The following MYL4 variants were observed in gnomAD, a reference collection of about 807,000 sequenced individuals.
MYL4 encodes myosin light chain 4.
A neutral mutation model predicts 21.6 loss-of-function variants in MYL4; 16 were observed. That is an observed-to-expected ratio of 0.74 (90% CI 0.50 to 1.12). MYL4 has a LOEUF of 1.12. Among genes scored for constraint, MYL4 ranks in the 50% most tolerant of loss-of-function variants. The probability of loss-of-function intolerance (pLI) is 0.00; values close to 1 mark genes in which losing one functional copy is unlikely to be tolerated. For missense variants in MYL4, 249 were observed against 252.9 expected, an observed-to-expected ratio of 0.98 and a Z score of 0.11; for synonymous variants, 82 against 95.7, an observed-to-expected ratio of 0.86 and a Z score of 0.83.
intron 1 of MYL4, among the ~76,000 whole-genome samples, chr17:47,211,080 C>T (rs966842161): frequency 6.6e-6 from 1 of 152,058 alleles, no homozygotes; most frequent in African/African-American, 2.4e-5. Flanking sequence ...CAATTTCTCA[C>T]CCGTGAGAAA....
downstream of MYL4, among the ~76,000 whole-genome samples, chr17:47,225,481 G>A (rs761420231): frequency 6.6e-6 from 1 of 152,196 alleles, no homozygotes; most frequent in Non-Finnish European, 1.5e-5. Flanking sequence ...GAGGAGGAGA[G>A]GGCTGGGTTC....
chr17:47,205,241 T>C (rs1057320595), upstream of MYL4, among the ~76,000 whole-genome samples: 3 of 152,238 alleles, frequency 2.0e-5, no homozygotes, highest in Admixed American at 2.0e-4. Flanking sequence ...CCTCAGCAAC[T>C]CTGGCTCAGA....
chr17:47,223,535 C>T lies in MYL4; in HGVS notation c.*42C>T, dbSNP rs1362548558. On this transcript the variant is annotated 3_prime_UTR_variant, in exon 7 of 7. Coordinates refer to ENST00000393450, the MANE Select transcript of MYL4 (RefSeq NM_002476.2). ...TGCCTGGCCCTTGGCTTTAGCCATACCAGGGTGAGTTAAAGAGAGGCCCCG... is the reference window on the plus strand; with the variant it reads ...TGCCTGGCCCTTGGCTTTAGCCATATCAGGGTGAGTTAAAGAGAGGCCCCG... 6.4e-6 allele frequency: 1 copy of T among 155,970 alleles called. No individual in the cohort carries two copies. The highest frequency in any genetic ancestry group is 1.4e-5 in the Non-Finnish European group (1 of 70,556). 9.7% of individuals were successfully genotyped at this position (155,970 alleles called of 1,614,324 possible).
chr17:47,193,878 C>T, the MYL4 span, among the ~76,000 whole-genome samples: 14 of 152,152 alleles, frequency 9.2e-5, no homozygotes, highest in Non-Finnish European at 1.9e-4. Context: ...GCCTCAGCCT[C>T]CCGAGTAGCT....
chr17:47,216,710 T>G (rs570936829), intron 2 of MYL4, among the ~76,000 whole-genome samples: 7 of 151,180 alleles, frequency 4.6e-5, no homozygotes, highest in Admixed American at 3.3e-4. Flanking sequence ...TTTTTTTTTT[T>G]TGAGACAGAG....
chr17:47,218,053 A>C (rs993992117), intron 2 of MYL4, among the ~76,000 whole-genome samples: 5 of 151,668 alleles, frequency 3.3e-5, no homozygotes, highest in African/African-American at 1.2e-4. Flanking sequence ...AAAAAAAAAA[A>C]AAAACAAAAA....
chr17:47,196,334 C>T (rs754124501), upstream of MYL4, among the ~76,000 whole-genome samples: 7 of 152,286 alleles, frequency 4.6e-5, no homozygotes, highest in South Asian at 1.0e-3. Flanking sequence ...GATCATGGAC[C>T]TCTAGCCTCC....
At chr17:47,203,443 C>A (rs1257720987) in intron 1 of MYL4, among the ~76,000 whole-genome samples, 1 of 151,806 alleles carries the variant, frequency 6.6e-6, no homozygotes, top group Non-Finnish European at 1.5e-5. Context: ...CTATTATGTG[C>A]TCTATTTTGG....
intron 6 of MYL4, 54 bp downstream of exon 6, chr17:47,223,111 A>C: frequency 6.3e-7 from 1 of 1,577,076 alleles, no homozygotes. Flanking sequence ...GGGCCTTAAG[A>C]ATAACACCAT....
intron 1 of MYL4, among the ~76,000 whole-genome samples, chr17:47,211,186 G>A (rs561783425): frequency 6.6e-6 from 1 of 152,246 alleles, no homozygotes; most frequent in South Asian, 2.1e-4. Context: ...TATCTTTTAT[G>A]AGAGACATTT....
At chr17:47,217,894 G>A (rs113419995) in intron 2 of MYL4, among the ~76,000 whole-genome samples, 133 of 152,040 alleles carry the variant, frequency 8.7e-4, no homozygotes, top group African/African-American at 2.8e-3. Flanking sequence ...TTAGCCTGGC[G>A]TGGTGGCGCA....
At chr17:47,214,506 G>A (rs1311111858) in intron 2 of MYL4, among the ~76,000 whole-genome samples, 2 of 152,030 alleles carry the variant, frequency 1.3e-5, no homozygotes, top group African/African-American at 2.4e-5. Context: ...TATAGGAATT[G>A]GAAGGGACCT....
At chr17:47,196,806 G>A (rs2064690506), upstream of MYL4, among the ~76,000 whole-genome samples, 3 of 152,026 alleles carry the variant, frequency 2.0e-5, no homozygotes, top group Admixed American at 2.0e-4. Context: ...TTGAAGGCAG[G>A]GACCTTGGTT....
the MYL4 span, among the ~76,000 whole-genome samples, chr17:47,191,854 A>G: frequency 1.3e-5 from 2 of 152,166 alleles, no homozygotes; most frequent in Non-Finnish European, 2.9e-5. Context: ...TCTTTTTCAC[A>G]CAACATGCTG....
Position 47,221,750 on chromosome 17 carries a change from G to C in MYL4, c.382G>C (p.Glu128Gln). 1 of 1,614,156 alleles carries C rather than the reference G, an allele frequency of 6.2e-7. No homozygotes were observed. Among genetic ancestry groups the C allele is most frequent in the Non-Finnish European group, 8.5e-7 (1 of 1,180,018 alleles). The stretch of plus-strand genomic sequence containing the variant: ...CCTGCAGCACATTTCCCGCAACAAG[G>C]AGCAGGGCACCTATGAGGACTTCGT... Reference protein sequence around the residue: ...PILQHISRNKEQGTYEDFVEG... With the variant: ...PILQHISRNKQQGTYEDFVEG... Residue 128 changes from glutamate to glutamine, a missense_variant, in exon 4 of 7, where the codon GAG becomes CAG. Glu to Gln is a conservative substitution (Grantham distance 29). Coordinates refer to ENST00000393450, the MANE Select transcript of MYL4 (RefSeq NM_002476.2).
the MYL4 span, chr17:47,189,467 A>G: frequency 2.0e-6 from 1 of 502,680 alleles, no homozygotes; most frequent in Non-Finnish European, 3.6e-6. Flanking sequence ...AGTCTGACCC[A>G]AAGCGTAGGT....
intron 1 of MYL4, among the ~76,000 whole-genome samples, chr17:47,211,024 G>A (rs2064770432): frequency 6.6e-6 from 1 of 151,956 alleles, no homozygotes; most frequent in African/African-American, 2.4e-5. Context: ...CATCAAACTG[G>A]TGTCCTTCCC....
Position 47,221,869 on chromosome 17 carries a change from G to T in MYL4, c.487+14G>T. On this transcript the variant is annotated intron_variant, in intron 4 of 6. Coordinates refer to ENST00000393450, the MANE Select transcript of MYL4 (RefSeq NM_002476.2). ...TTGCCACCCTGGGTATGCCAGCTGG[G>T]CAGAGATGAAGACCAAGTGGGAGGA... 1 of 1,609,614 alleles carries T rather than the reference G, an allele frequency of 6.2e-7. No homozygotes were observed. The highest frequency in any genetic ancestry group is 8.5e-7 in the Non-Finnish European group (1 of 1,177,098).
At chr17:47,195,997 A>G (rs1040470530), upstream of MYL4, among the ~76,000 whole-genome samples, 4 of 152,230 alleles carry the variant, frequency 2.6e-5, no homozygotes, top group Non-Finnish European at 5.9e-5. Flanking sequence ...TAATGAATGA[A>G]TAGAATAAAC....
Sources: allele counts gnomAD v4.1 joint callset (sites outside exome capture counted in the v4.1 genomes callset), GRCh38; gene constraint gnomAD v4.1.1; transcripts MANE v1.5; gene names NCBI Gene and HGNC (gene_info 2026-07-23, HGNC 2026-07-21).